KCNQ3: variants seen among roughly 807,000 people sequenced by gnomAD.
KCNQ3 encodes the protein potassium voltage-gated channel subfamily Q member 3, also known as potassium voltage-gated channel subfamily KQT member 3.
KCNQ3 carries 30 observed loss-of-function variants against 92.5 expected under a neutral mutation model. The ratio of observed to expected loss-of-function variants is 0.32; its 90% CI spans 0.24 to 0.44. The LOEUF is 0.44. Among genes scored for constraint, KCNQ3 ranks in the 20% least tolerant of loss-of-function variants. The pLI is 1.00. For missense variants in KCNQ3, 913 were observed against 1,140.3 expected, an observed-to-expected ratio of 0.80 and a Z score of 2.87; for synonymous variants, 450 against 468.8, an observed-to-expected ratio of 0.96 and a Z score of 0.52.
intron 1 of KCNQ3, among the ~76,000 whole-genome samples, chr8:132,319,373 C>T (rs939406175): frequency 1.7e-4 from 26 of 152,130 alleles, no homozygotes; most frequent in African/African-American, 5.3e-4. Context: ...GCTCACTTCA[C>T]CCTCTATAGG....
At chr8:132,368,550 G>A (rs1028152888) in intron 1 of KCNQ3, among the ~76,000 whole-genome samples, 1 of 152,048 alleles carries the variant, frequency 6.6e-6, no homozygotes, top group Admixed American at 6.5e-5. Flanking sequence ...CTACTCAGGA[G>A]GCTGAAGTGG....
intron 1 of KCNQ3, among the ~76,000 whole-genome samples, chr8:132,265,835 C>T (rs1393710802): frequency 6.6e-6 from 1 of 152,204 alleles, no homozygotes; most frequent in Non-Finnish European, 1.5e-5. Context: ...CACCCATATA[C>T]ACACTTTTTG....
intron 1 of KCNQ3, among the ~76,000 whole-genome samples, chr8:132,187,790 C>CGGTGGTGGTGATAGTGATGGTGGT: frequency 1.2e-5 from 1 of 80,726 alleles, no homozygotes; most frequent in South Asian, 3.9e-4. Flanking sequence ...ATGGTGGTGG[C>CGGTGGTGGTGATAGTGATGGTGGT]GGTGGTGGTG....
chr8:132,411,019 C>A (rs778604502), intron 1 of KCNQ3, among the ~76,000 whole-genome samples: 2 of 152,204 alleles, frequency 1.3e-5, no homozygotes, highest in African/African-American at 2.4e-5. Context: ...TTCTATAAAG[C>A]TGCAGGTGAT....
chr8:132,229,385 G>C lies in KCNQ3; in HGVS notation c.387-43204C>G, dbSNP rs1814554755. On this transcript the variant is annotated intron_variant, in intron 1 of 14. Coordinates refer to ENST00000388996, the MANE Select transcript of KCNQ3 (RefSeq NM_004519.4). ...CAGTGGCAATGGACAGCAAGAGGCT[G>C]TGGGCAACTCAAAATATACTGAGGA... is the stretch of plus-strand genomic sequence containing the variant. 2.6e-5 allele frequency among the ~76,000 whole-genome samples: 4 copies of C among 152,274 alleles called. No individual in the cohort carries two copies. The South Asian group carries it at 8.3e-4, about 32-fold the overall frequency.
At chr8:132,333,862 C>T (rs1818296264) in intron 1 of KCNQ3, among the ~76,000 whole-genome samples, 1 of 151,866 alleles carries the variant, frequency 6.6e-6, no homozygotes, top group Admixed American at 6.6e-5. Flanking sequence ...GGCTTTGGAA[C>T]AGCTGGGATT....
chr8:132,374,473 GC>G (rs1164738828), intron 1 of KCNQ3, among the ~76,000 whole-genome samples: 1 of 152,062 alleles, frequency 6.6e-6, no homozygotes, highest in African/African-American at 2.4e-5. Flanking sequence ...GCCCAGTACT[GC>G]CCCCCGCTGG....
At chr8:132,432,261 G>A (rs900365754) in intron 1 of KCNQ3, among the ~76,000 whole-genome samples, 3 of 151,918 alleles carry the variant, frequency 2.0e-5, no homozygotes, top group African/African-American at 7.3e-5. Context: ...GAATTAATCA[G>A]GATCAGGGAA....
intron 4 of KCNQ3, among the ~76,000 whole-genome samples, chr8:132,177,860 T>C (rs888047298): frequency 6.6e-6 from 1 of 152,206 alleles, no homozygotes; most frequent in Non-Finnish European, 1.5e-5. Flanking sequence ...CTCCCAGCTC[T>C]GGTAGCACAG....
At chr8:132,242,872 T>G (rs758988926) in intron 1 of KCNQ3, among the ~76,000 whole-genome samples, 6 of 152,356 alleles carry the variant, frequency 3.9e-5, no homozygotes, top group Admixed American at 1.3e-4. Flanking sequence ...TTCATTTTCC[T>G]AGTTTTATAG....
chr8:132,130,270 C>T (rs1481161902), intron 14 of KCNQ3, among the ~76,000 whole-genome samples: 13 of 151,880 alleles, frequency 8.6e-5, no homozygotes, highest in Admixed American at 3.3e-4. Flanking sequence ...TTAGTAGAGA[C>T]GGGGTTTCAC....
At chr8:132,280,663 T>A (rs1816485589) in intron 1 of KCNQ3, among the ~76,000 whole-genome samples, 1 of 152,070 alleles carries the variant, frequency 6.6e-6, no homozygotes, top group South Asian at 2.1e-4. Flanking sequence ...TTGGTGGAGA[T>A]GACATTTAAG....
intron 1 of KCNQ3, among the ~76,000 whole-genome samples, chr8:132,209,529 CCACACACACACACAAACA>C (rs1299992534): frequency 2.7e-5 from 3 of 112,728 alleles, no homozygotes; most frequent in African/African-American, 1.1e-4. Flanking sequence ...GTAATTCACA[CCACACACACACACAAACA>C]CACACACACA....
intron 1 of KCNQ3, among the ~76,000 whole-genome samples, chr8:132,392,849 A>C (rs535169175): frequency 6.7e-6 from 1 of 149,822 alleles, no homozygotes; most frequent in Non-Finnish European, 1.5e-5. Flanking sequence ...CCCCCTTATC[A>C]GCTCTTACCA....
rs753427935 is a variant in KCNQ3 at position 132,180,381 on chromosome 8, C to T, written c.605-52G>A. The T allele has an allele frequency of 6.8e-5, 109 of 1,599,178 alleles. No individual in the cohort carries two copies. The Middle Eastern group carries it at 8.3e-4, about 12-fold the overall frequency. On this transcript the variant is annotated intron_variant, in intron 3 of 14. Coordinates refer to ENST00000388996, the MANE Select transcript of KCNQ3 (RefSeq NM_004519.4). ...AGGGAAGAGGGAAAGGAAGGTCATG[C>T]GAAAGCAATGGCGTCATCATAGGTG...
intron 1 of KCNQ3, among the ~76,000 whole-genome samples, chr8:132,467,017 C>A (rs1822187911): frequency 6.6e-6 from 1 of 152,194 alleles, no homozygotes. Flanking sequence ...CAGCACTCAT[C>A]CCCACACTCT....
chr8:132,285,809 G>C (rs902494127), intron 1 of KCNQ3, among the ~76,000 whole-genome samples: 2 of 152,190 alleles, frequency 1.3e-5, no homozygotes, highest in African/African-American at 4.8e-5. Context: ...GGGCAGAATG[G>C]TTTTCTGGGA....
intron 1 of KCNQ3, chr8:132,278,056 G>A: frequency 4.1e-6 from 4 of 985,268 alleles, no homozygotes; most frequent in Non-Finnish European, 4.8e-6. Flanking sequence ...AAGTCAGGAG[G>A]ACACAATTAC....
chr8:132,175,307 C>A, intron 5 of KCNQ3, 146 bp downstream of exon 5: 1 of 869,456 alleles, frequency 1.2e-6, no homozygotes, highest in Non-Finnish European at 1.9e-6. Flanking sequence ...CTTCTGTCAG[C>A]AGGTTCTGAG....
Sources: allele counts gnomAD v4.1 joint callset (sites outside exome capture counted in the v4.1 genomes callset), GRCh38; gene constraint gnomAD v4.1.1; transcripts MANE v1.5; gene names NCBI Gene and HGNC (gene_info 2026-07-23, HGNC 2026-07-21).